STARD13: variants seen among roughly 807,000 people sequenced by gnomAD.
STARD13 encodes the protein stAR-related lipid transfer protein 13.
Under a neutral mutation model 106.4 loss-of-function variants are expected in STARD13, and 62 were observed. That is an observed-to-expected ratio of 0.58 (90% CI 0.48 to 0.72). The LOEUF is 0.72. STARD13 is among the 30% of genes least tolerant of loss of function. The pLI is 0.00. For missense variants in STARD13, 1,387 were observed against 1,424.0 expected (o/e 0.97, Z 0.42); for synonymous variants, 565 against 553.0 (o/e 1.02, Z -0.31).
the STARD13 span, among the ~76,000 whole-genome samples, chr13:33,494,011 TGGGAACCCTGTGTTCA>T: frequency 0.3 from 45,423 of 152,056 alleles, 7,658 homozygotes; most frequent in Non-Finnish European, 0.39. Flanking sequence ...AAAACCACTT[TGGGAACCCTGTGTTCA>T]TCAAGATACC....
the STARD13 span, among the ~76,000 whole-genome samples, chr13:33,584,168 T>A: frequency 6.6e-6 from 1 of 152,228 alleles, no homozygotes; most frequent in African/African-American, 2.4e-5. Flanking sequence ...ATAGTAGCCC[T>A]CTGTATTAGT....
At chr13:33,348,330 C>T (rs551093337), downstream of STARD13, among the ~76,000 whole-genome samples, 2 of 152,290 alleles carry the variant, frequency 1.3e-5, no homozygotes, top group South Asian at 4.1e-4. Context: ...AAAACTTTTT[C>T]CCTTCACCAC....
At chr13:33,197,307 C>G (rs1360665943) in intron 1 of STARD13, among the ~76,000 whole-genome samples, 1 of 152,104 alleles carries the variant, frequency 6.6e-6, no homozygotes, top group African/African-American at 2.4e-5. Context: ...ACCCTGTAAG[C>G]GTACTGGTTG....
At chr13:33,675,722 A>C in the STARD13 span, among the ~76,000 whole-genome samples, 1 of 152,192 alleles carries the variant, frequency 6.6e-6, no homozygotes, top group Non-Finnish European at 1.5e-5. Flanking sequence ...GAGTAGGAAC[A>C]TGTGGACAAA....
chr13:33,505,179 C>T, the STARD13 span, among the ~76,000 whole-genome samples: 163 of 152,250 alleles, frequency 1.1e-3, no homozygotes, highest in African/African-American at 3.9e-3. Flanking sequence ...GTCAGCAAAG[C>T]ACTAAGTTTC....
intron 1 of STARD13, among the ~76,000 whole-genome samples, chr13:33,264,329 T>G (rs1890790944): frequency 6.6e-6 from 1 of 152,222 alleles, no homozygotes; most frequent in Non-Finnish European, 1.5e-5. Flanking sequence ...TTGGGACAGT[T>G]TGTTACATAG....
chr13:33,488,275 A>G, the STARD13 span, among the ~76,000 whole-genome samples: 1 of 152,134 alleles, frequency 6.6e-6, no homozygotes, highest in Non-Finnish European at 1.5e-5. Context: ...GCCACCTTAG[A>G]GGTCTACCAT....
rs565195137 is a variant in STARD13, at chr13:33,224,731, A to C, written c.170-57109T>G. Among the ~76,000 whole-genome samples, 27 of 152,360 alleles carry C rather than the reference A, an allele frequency of 1.8e-4. No individual in the cohort carries two copies. The South Asian group carries it at 5.6e-3, about 32-fold the overall frequency. On this transcript the variant is annotated intron_variant, in intron 1 of 13. Coordinates refer to ENST00000336934, the MANE Select transcript of STARD13 (RefSeq NM_178006.4). ...TTGTCAATAGCTAATTGACTACTAC[A>C]TCCACCATTAGTACTTCAGCCAGTT...
At chr13:33,468,137 A>G in the STARD13 span, among the ~76,000 whole-genome samples, 1 of 152,222 alleles carries the variant, frequency 6.6e-6, no homozygotes, top group Non-Finnish European at 1.5e-5. Flanking sequence ...CCAAATGCCC[A>G]GAAGCCTCTC....
intron 1 of STARD13, among the ~76,000 whole-genome samples, chr13:33,239,531 C>A (rs1889362545): frequency 6.6e-6 from 1 of 152,086 alleles, no homozygotes; most frequent in South Asian, 2.1e-4. Context: ...CACATCATTG[C>A]CAAGACTTCT....
intron 1 of STARD13, chr13:33,205,762 A>C (rs1211200345): frequency 5.6e-6 from 4 of 718,876 alleles, no homozygotes; most frequent in Non-Finnish European, 6.8e-6. Flanking sequence ...CTACATAGGA[A>C]GTAACTGTTG....
chr13:33,340,112 G>T (rs2077943581), intron 1 of STARD13, among the ~76,000 whole-genome samples: 1 of 152,156 alleles, frequency 6.6e-6, no homozygotes, highest in African/African-American at 2.4e-5. Flanking sequence ...CCCACAAAGG[G>T]GTAGATTAGC....
At chr13:33,519,714 A>C in the STARD13 span, among the ~76,000 whole-genome samples, 1 of 152,126 alleles carries the variant, frequency 6.6e-6, no homozygotes, top group South Asian at 2.1e-4. Context: ...TTAATCCCTT[A>C]ATCTCTGTTC....
the STARD13 span, among the ~76,000 whole-genome samples, chr13:33,378,617 C>T: frequency 5.3e-5 from 8 of 152,080 alleles, no homozygotes; most frequent in African/African-American, 9.6e-5. Context: ...GGTGAAACCC[C>T]GTCTCTACTA....
rs1282227569 is a variant in STARD13, at chr13:33,106,931, G to A, written c.3051C>T (p.Thr1017=). Residue 1017 remains threonine, a synonymous_variant, in exon 13 of 14, where the codon ACC becomes ACT. Transcript: ENST00000336934. The part of the protein sequence containing the change: ...HPSRDFVVLR[T]WKTDLPKGMC... ...TTCCTTTGGGCAAATCAGTTTTCCA[G>A]GTCCTGTAGCAAAACAATCCGCACA... 7 of 1,611,684 alleles carry A rather than the reference G, an allele frequency of 4.3e-6. No individual in the cohort carries two copies. Among genetic ancestry groups the A allele is most frequent in the Non-Finnish European group, 5.9e-6 (7 of 1,178,552 alleles).
At chr13:33,305,408 C>T (rs1206821041) in intron 1 of STARD13, among the ~76,000 whole-genome samples, 1 of 152,186 alleles carries the variant, frequency 6.6e-6, no homozygotes, top group African/African-American at 2.4e-5. Flanking sequence ...CCGTGTCCTC[C>T]ACGGTAACTA....
chr13:33,575,852 T>C, the STARD13 span, among the ~76,000 whole-genome samples: 1 of 152,176 alleles, frequency 6.6e-6, no homozygotes, highest in African/African-American at 2.4e-5. Flanking sequence ...GTATTTTTGC[T>C]ATAGCAACCC....
chr13:33,655,354 A>ATTT, the STARD13 span, among the ~76,000 whole-genome samples: 1 of 152,192 alleles, frequency 6.6e-6, no homozygotes, highest in Non-Finnish European at 1.5e-5. Context: ...AATTGATGGT[A>ATTT]TTTTTCTATG....
At chr13:33,295,725 G>A (rs1174903918) in intron 1 of STARD13, among the ~76,000 whole-genome samples, 1 of 152,108 alleles carries the variant, frequency 6.6e-6, no homozygotes, top group Non-Finnish European at 1.5e-5. Context: ...GAGGAGAGAC[G>A]ACTAAGTCAG....
Sources: allele counts gnomAD v4.1 joint callset (sites outside exome capture counted in the v4.1 genomes callset), GRCh38; gene constraint gnomAD v4.1.1; transcripts MANE v1.5; gene names NCBI Gene and HGNC (gene_info 2026-07-23, HGNC 2026-07-21).